NXPH2: variants seen among roughly 807,000 people sequenced by gnomAD.
The protein encoded by NXPH2 is neurexophilin-2.
A neutral mutation model predicts 19.8 loss-of-function variants in NXPH2; 5 were observed. The ratio of observed to expected loss-of-function variants is 0.25; its 90% CI spans 0.13 to 0.53. The LOEUF (loss-of-function observed/expected upper bound fraction) is 0.53, where lower values mean the gene tolerates loss of function less well. Ranked by LOEUF, NXPH2 falls within the 20% of genes least tolerant of loss-of-function variation. The pLI, the probability that NXPH2 is intolerant of heterozygous loss-of-function variation, is 0.96. For missense variants in NXPH2, 289 were observed against 322.8 expected (o/e 0.90, Z 0.80); for synonymous variants, 154 against 127.4 (o/e 1.21, Z -1.41).
intron 1 of NXPH2, among the ~76,000 whole-genome samples, chr2:138,708,342 T>C (rs1681047899): frequency 6.6e-6 from 1 of 152,196 alleles, no homozygotes; most frequent in Admixed American, 6.5e-5. Context: ...TTTTAGAAAG[T>C]ATCTGAACAT....
intron 1 of NXPH2, among the ~76,000 whole-genome samples, chr2:138,680,256 T>C (rs1228598424): frequency 6.6e-6 from 1 of 152,118 alleles, no homozygotes; most frequent in African/African-American, 2.4e-5. Flanking sequence ...AAGCACAAGA[T>C]ATGGTTGCAC....
At chr2:138,773,069 T>C (rs530757835) in intron 1 of NXPH2, among the ~76,000 whole-genome samples, 4 of 152,344 alleles carry the variant, frequency 2.6e-5, no homozygotes, top group African/African-American at 4.8e-5. Flanking sequence ...TCCAAATCCA[T>C]GAATGTTGGA....
intron 1 of NXPH2, among the ~76,000 whole-genome samples, chr2:138,769,177 G>A (rs1393621589): frequency 1.3e-5 from 2 of 152,162 alleles, no homozygotes; most frequent in Non-Finnish European, 2.9e-5. Context: ...TATGTGGGAT[G>A]AATTAAAAAG....
At chr2:138,778,832 C>A (rs778680736) in intron 1 of NXPH2, among the ~76,000 whole-genome samples, 48 of 152,112 alleles carry the variant, frequency 3.2e-4, no homozygotes, top group Non-Finnish European at 6.3e-4. Flanking sequence ...TTGTAGATAG[C>A]CAGTATGTGA....
intron 1 of NXPH2, among the ~76,000 whole-genome samples, chr2:138,726,616 GT>G (rs1227399547): frequency 2.6e-5 from 4 of 151,254 alleles, no homozygotes; most frequent in Non-Finnish European, 4.4e-5. Context: ...AGATGTGTGT[GT>G]TTTTTTTAAA....
intron 1 of NXPH2, among the ~76,000 whole-genome samples, chr2:138,749,755 A>G (rs1297567280): frequency 1.3e-5 from 2 of 152,218 alleles, no homozygotes; most frequent in African/African-American, 4.8e-5. Context: ...CTGACATGAA[A>G]CATTTCTCTT....
chr2:138,730,005 G>A (rs1192103169), intron 1 of NXPH2, among the ~76,000 whole-genome samples: 2 of 152,014 alleles, frequency 1.3e-5, no homozygotes, highest in Admixed American at 6.6e-5. Flanking sequence ...AGTAAGTTTG[G>A]TTTCTTCTGA....
intron 1 of NXPH2, among the ~76,000 whole-genome samples, chr2:138,771,654 A>G (rs1255304108): frequency 1.3e-5 from 2 of 152,202 alleles, no homozygotes; most frequent in African/African-American, 4.8e-5. Flanking sequence ...GATCTCAGGC[A>G]AAGTCTTGCA....
chr2:138,737,244 A>G (rs985421608), intron 1 of NXPH2, among the ~76,000 whole-genome samples: 5 of 152,160 alleles, frequency 3.3e-5, no homozygotes, highest in South Asian at 2.1e-4. Flanking sequence ...GGAAAGAAAA[A>G]GAGGTTTAAT....
At chr2:138,673,366 C>T (rs1680439550) in intron 1 of NXPH2, among the ~76,000 whole-genome samples, 1 of 152,104 alleles carries the variant, frequency 6.6e-6, no homozygotes, top group Non-Finnish European at 1.5e-5. Context: ...TGATTTTGCA[C>T]ACTTTTTTCT....
Position 138,671,569 on chromosome 2 carries a change from A to G in NXPH2, c.148T>C (p.Ser50Pro). 1 of 1,613,862 alleles carries G rather than the reference A, an allele frequency of 6.2e-7. No individual in the cohort carries two copies. Residue 50 changes from serine (S) to proline (P), a missense_variant, in exon 2 of 2, where the codon TCA becomes CCA. Coordinates refer to ENST00000272641, the MANE Select transcript of NXPH2 (RefSeq NM_007226.3). ...PGTLVGNVVH[S>P]RIISPLRLFV... ...AGGCGCAGGGGACTGATGATCCTTG[A>G]GTGCACCACGTTGCCGACCAACGTC...
At chr2:138,721,544 T>C (rs1195232860) in intron 1 of NXPH2, among the ~76,000 whole-genome samples, 1 of 152,064 alleles carries the variant, frequency 6.6e-6, no homozygotes, top group Non-Finnish European at 1.5e-5. Context: ...GAGGATGTAC[T>C]GGAGGAATTT....
At chr2:138,745,506 GTGTT>G (rs1467126037) in intron 1 of NXPH2, among the ~76,000 whole-genome samples, 4 of 91,368 alleles carry the variant, frequency 4.4e-5, no homozygotes, top group African/African-American at 1.9e-4. Flanking sequence ...GGGGGGGGGG[GTGTT>G]GTTTGCATGT....
chr2:138,777,017 A>C (rs538839957), intron 1 of NXPH2, among the ~76,000 whole-genome samples: 9 of 152,072 alleles, frequency 5.9e-5, no homozygotes, highest in African/African-American at 2.2e-4. Flanking sequence ...ATGTGTAAGA[A>C]ACTGATTTTT....
chr2:138,766,698 A>C (rs1682098517), intron 1 of NXPH2, among the ~76,000 whole-genome samples: 1 of 152,192 alleles, frequency 6.6e-6, no homozygotes, highest in Non-Finnish European at 1.5e-5. Flanking sequence ...TGCTGAAAAG[A>C]CCACCTTCAT....
intron 1 of NXPH2, among the ~76,000 whole-genome samples, chr2:138,716,069 G>A (rs1361261525): frequency 6.6e-6 from 1 of 152,156 alleles, no homozygotes; most frequent in Non-Finnish European, 1.5e-5. Flanking sequence ...TTTGGGAGTT[G>A]AGAAAAACTG....
chr2:138,749,172 G>T (rs1324112922), intron 1 of NXPH2, among the ~76,000 whole-genome samples: 1 of 152,068 alleles, frequency 6.6e-6, no homozygotes, highest in East Asian at 1.9e-4. Flanking sequence ...GAGGTCTAAT[G>T]GTTTTGTAAG....
At chr2:138,693,816 A>G (rs1400413707) in intron 1 of NXPH2, among the ~76,000 whole-genome samples, 2 of 152,172 alleles carry the variant, frequency 1.3e-5, no homozygotes, top group African/African-American at 4.8e-5. Flanking sequence ...TGCTCCACCT[A>G]TGACAGTGTT....
chr2:138,702,190 C>T lies in NXPH2; in HGVS notation c.52-30525G>A, dbSNP rs538047874. ...GGAGTACAGTGGCACAATGATAGCT[C>T]ACTGTAATCTCAAACTCCTGGGTGC... On this transcript the variant is annotated intron_variant, in intron 1 of 1. Transcript: ENST00000272641. 3.9e-5 allele frequency among the ~76,000 whole-genome samples: 6 copies of T among 152,246 alleles called. No homozygotes were observed. In the East Asian group the frequency reaches 7.7e-4, roughly 20 times the overall value.
Sources: gnomAD v4.1 joint callset for allele counts (sites outside exome capture counted in the v4.1 genomes callset) on GRCh38, gnomAD v4.1.1 for gene constraint, MANE v1.5 for transcripts, NCBI Gene and HGNC (gene_info 2026-07-23, HGNC 2026-07-21) for gene names.